Variants in SPAG16 observed in about 807,000 individuals in gnomAD.
SPAG16 encodes sperm associated antigen 16, also known as sperm-associated antigen 16 protein.
A neutral mutation model predicts 80.4 loss-of-function variants in SPAG16; 86 were observed. The ratio of observed to expected loss-of-function variants is 1.07; its 90% CI spans 0.90 to 1.28. SPAG16 has a LOEUF of 1.28. SPAG16 is among the 50% of genes most tolerant of loss of function. The pLI is 0.00. For synonymous variants in SPAG16, 294 were observed against 265.9 expected (o/e 1.11, Z -1.03); for missense variants, 870 against 765.3 (o/e 1.14, Z -1.61).
At chr2:214,118,879 G>T (rs2054078401) in intron 14 of SPAG16, among the ~76,000 whole-genome samples, 1 of 150,630 alleles carries the variant, frequency 6.6e-6, no homozygotes, top group African/African-American at 2.4e-5. Flanking sequence ...GGAACCAAAA[G>T]GCTGCAAATA....
At chr2:214,254,138 A>G (rs1187271563) in intron 15 of SPAG16, among the ~76,000 whole-genome samples, 2 of 152,170 alleles carry the variant, frequency 1.3e-5, no homozygotes, top group Non-Finnish European at 2.9e-5. Context: ...TTAATTTTGT[A>G]TCATGAGGCT....
intron 12 of SPAG16, among the ~76,000 whole-genome samples, chr2:213,946,937 G>C (rs1036175487): frequency 6.6e-6 from 1 of 152,026 alleles, no homozygotes; most frequent in African/African-American, 2.4e-5. Context: ...TATATTAATA[G>C]AATCATATAG....
intron 12 of SPAG16, among the ~76,000 whole-genome samples, chr2:213,977,298 A>G (rs936883595): frequency 1.3e-5 from 2 of 152,028 alleles, no homozygotes; most frequent in African/African-American, 4.8e-5. Context: ...CTTGAGGTTC[A>G]TATGCTGTTA....
At chr2:213,980,145 A>G (rs2045622799) in intron 12 of SPAG16, among the ~76,000 whole-genome samples, 1 of 150,332 alleles carries the variant, frequency 6.7e-6, no homozygotes, top group East Asian at 2.0e-4. Context: ...AGGTCAAGAG[A>G]TTGAGTCTGG....
chr2:213,319,804 AC>A (rs1393408617), intron 5 of SPAG16, among the ~76,000 whole-genome samples: 2 of 152,014 alleles, frequency 1.3e-5, no homozygotes, highest in Non-Finnish European at 2.9e-5. Flanking sequence ...TAGCAATAAT[AC>A]GAAATAACAT....
chr2:213,369,519 A>G (rs2066514392), intron 8 of SPAG16, among the ~76,000 whole-genome samples: 1 of 152,184 alleles, frequency 6.6e-6, no homozygotes. Context: ...GTACAATTAC[A>G]GTGCATAATT....
At chr2:214,041,744 A>G (rs2049018581) in intron 13 of SPAG16, among the ~76,000 whole-genome samples, 1 of 151,556 alleles carries the variant, frequency 6.6e-6, no homozygotes, top group South Asian at 2.1e-4. Context: ...CTGTATGCAT[A>G]TTCTTTCCCT....
At chr2:214,149,389 T>C (rs2055862310) in intron 15 of SPAG16, 123 bp downstream of exon 15, 1 of 810,044 alleles carries the variant, frequency 1.2e-6, no homozygotes, top group East Asian at 4.9e-5. Flanking sequence ...AATATTACAT[T>C]ATATTACATT....
Position 213,841,526 on chromosome 2 carries a change from A to G in SPAG16, c.1071-20959A>G, listed in dbSNP as rs186456388. On this transcript the variant is annotated intron_variant, in intron 10 of 15. Coordinates refer to ENST00000331683, the MANE Select transcript of SPAG16 (RefSeq NM_024532.5). ...TGAAAGTCACTTAACTGTAACAATA[A>G]TTTACATAGCGTTAGCATTGTTCTT... Among the ~76,000 whole-genome samples the G allele has an allele frequency of 2.5e-3, 386 of 152,268 alleles. 1 individual carries two copies. The highest frequency in any genetic ancestry group is 3.7e-3 in the Non-Finnish European group (252 of 68,016).
chr2:214,341,051 A>G (rs1308241058), intron 15 of SPAG16, among the ~76,000 whole-genome samples: 1 of 152,236 alleles, frequency 6.6e-6, no homozygotes, highest in East Asian at 1.9e-4. Flanking sequence ...TAATACACTC[A>G]GAACAATTTG....
At chr2:213,483,264 A>G (rs928927692) in intron 9 of SPAG16, among the ~76,000 whole-genome samples, 1 of 151,980 alleles carries the variant, frequency 6.6e-6, no homozygotes, top group Non-Finnish European at 1.5e-5. Context: ...AAAACTTTAT[A>G]TGTAGATCTT....
intron 13 of SPAG16, among the ~76,000 whole-genome samples, chr2:214,017,396 A>C (rs1165862653): frequency 1.3e-5 from 2 of 152,184 alleles, no homozygotes; most frequent in African/African-American, 4.8e-5. Context: ...TCCATAGAGA[A>C]AATATTAATT....
chr2:214,153,331 C>T (rs1051872625), intron 15 of SPAG16, among the ~76,000 whole-genome samples: 4 of 151,910 alleles, frequency 2.6e-5, no homozygotes, highest in African/African-American at 9.7e-5. Flanking sequence ...CCTGGTTTTT[C>T]CTAGGTCATG....
chr2:214,062,239 A>G (rs1340712832), intron 13 of SPAG16, among the ~76,000 whole-genome samples: 1 of 151,672 alleles, frequency 6.6e-6, no homozygotes, highest in Non-Finnish European at 1.5e-5. Context: ...GGACAACATG[A>G]TGAAACCACA....
intron 15 of SPAG16, among the ~76,000 whole-genome samples, chr2:214,296,460 C>T (rs1322480001): frequency 6.6e-6 from 1 of 152,166 alleles, no homozygotes; most frequent in Admixed American, 6.5e-5. Flanking sequence ...TTATTTGACA[C>T]ATCTTCCTAC....
chr2:213,786,775 G>T (rs2070368388), intron 10 of SPAG16, among the ~76,000 whole-genome samples: 1 of 152,054 alleles, frequency 6.6e-6, no homozygotes, highest in Non-Finnish European at 1.5e-5. Context: ...CAATATATTT[G>T]ATATTTAAAA....
chr2:213,572,497 G>A (rs1442560941), intron 10 of SPAG16, among the ~76,000 whole-genome samples: 11 of 150,738 alleles, frequency 7.3e-5, no homozygotes, highest in South Asian at 2.1e-4. Context: ...GTACCCTGCC[G>A]TGTGAGGTGT....
intron 10 of SPAG16, among the ~76,000 whole-genome samples, chr2:213,702,078 T>C (rs1211716350): frequency 6.6e-6 from 1 of 151,832 alleles, no homozygotes; most frequent in Non-Finnish European, 1.5e-5. Context: ...TGGAGAACTT[T>C]TATGTCTAGC....
At chr2:214,257,015 T>G (rs1690738915) in intron 15 of SPAG16, among the ~76,000 whole-genome samples, 1 of 151,980 alleles carries the variant, frequency 6.6e-6, no homozygotes, top group Non-Finnish European at 1.5e-5. Context: ...AATTATATTT[T>G]GTATCTTGCA....
Sources: gnomAD v4.1 joint callset for allele counts (sites outside exome capture counted in the v4.1 genomes callset) on GRCh38, gnomAD v4.1.1 for gene constraint, MANE v1.5 for transcripts, NCBI Gene and HGNC (gene_info 2026-07-23, HGNC 2026-07-21) for gene names.